The following LARP4 variants were observed in gnomAD, a reference collection of about 807,000 sequenced individuals.
LARP4 encodes la-related protein 4.
Under a neutral mutation model 92.9 loss-of-function variants are expected in LARP4, and 29 were observed. The observed-to-expected ratio is 0.31, with a 90% CI of 0.23 to 0.43. The LOEUF (loss-of-function observed/expected upper bound fraction) is 0.43. Among genes scored for constraint, LARP4 ranks in the 20% least tolerant of loss-of-function variants. The probability of loss-of-function intolerance (pLI) is 1.00; values close to 1 mark genes in which losing one functional copy is unlikely to be tolerated. For missense variants in LARP4, 732 were observed against 860.0 expected, an observed-to-expected ratio of 0.85 and a Z score of 1.86; for synonymous variants, 279 against 284.1, an observed-to-expected ratio of 0.98 and a Z score of 0.18.
chr12:50,412,781 A>G lies in LARP4; in HGVS notation c.18+11753A>G, dbSNP rs115174996. On this transcript the variant is annotated intron_variant, in intron 1 of 15. Coordinates refer to ENST00000398473, the MANE Select transcript of LARP4 (RefSeq NM_052879.5). Reference sequence around the variant, plus strand: ...TTGAGTATCTATGTGCTTGCATACTATGTATATGTTGGCAGATAGTTTAGC... The same window carrying G: ...TTGAGTATCTATGTGCTTGCATACTGTGTATATGTTGGCAGATAGTTTAGC... 9.8e-3 allele frequency among the ~76,000 whole-genome samples: 1,490 copies of G among 152,276 alleles called. 29 individuals are homozygous for G. Among genetic ancestry groups the G allele is most frequent in the African/African-American group, 0.034 (1,425 of 41,546 alleles).
At chr12:50,473,930 C>A (rs1324492736) in intron 14 of LARP4, 69 bp from the exon 15 acceptor site, 2 of 1,362,950 alleles carry the variant, frequency 1.5e-6, no homozygotes, top group African/African-American at 1.5e-5. Flanking sequence ...ATTACGTTTT[C>A]TTCTGATTAG....
chr12:50,455,988 G>A (rs1200552851), intron 10 of LARP4, among the ~76,000 whole-genome samples: 3 of 152,104 alleles, frequency 2.0e-5, no homozygotes, highest in Non-Finnish European at 4.4e-5. Flanking sequence ...AGAAGCACAG[G>A]TTGCAGTGAG....
rs1949035231 is a variant in LARP4 at position 50,427,906 on chromosome 12, G to A, written c.163G>A (p.Glu55Lys). 1 of 1,586,496 alleles carries A rather than the reference G, an allele frequency of 6.3e-7. No individual in the cohort carries two copies. Among genetic ancestry groups the A allele is most frequent in the Non-Finnish European group, 8.6e-7 (1 of 1,162,202 alleles). Residue 55 changes from glutamate (E) to lysine (K), a missense_variant, in exon 2 of 16, where the codon GAG becomes AAG. Transcript: ENST00000398473. ...AGCAGCTACATCAGGTGCTCATCCT[G>A]AGGGTAAGTCTTAAATATTTGGTCA... ...EIAATSGAHP[E>K]GNAELSEDIC...
rs1303422985 is a variant in LARP4, at chr12:50,477,205, A to G, written c.*1341A>G. Reference sequence around the variant, plus strand: ...AGATGGTTGAAGAAAATTAGTGCATAATTTCTCAGTGAATAAAGTTGTAGC... The same window carrying G: ...AGATGGTTGAAGAAAATTAGTGCATGATTTCTCAGTGAATAAAGTTGTAGC... On this transcript the variant is annotated 3_prime_UTR_variant, in exon 16 of 16. Coordinates refer to ENST00000398473, the MANE Select transcript of LARP4 (RefSeq NM_052879.5). The G allele has an allele frequency of 1.3e-5, 2 of 152,440 alleles. No individual in the cohort carries two copies. The highest frequency in any genetic ancestry group is 4.8e-5 in the African/African-American group (2 of 41,448). 9.4% of individuals were successfully genotyped at this position (152,440 alleles called of 1,614,324 possible).
At chr12:50,447,490 T>C (rs1952401886) in intron 8 of LARP4, among the ~76,000 whole-genome samples, 1 of 152,342 alleles carries the variant, frequency 6.6e-6, no homozygotes, top group East Asian at 1.9e-4. Flanking sequence ...AAAAGTAATA[T>C]AGGAATTTGA....
intron 2 of LARP4, among the ~76,000 whole-genome samples, chr12:50,428,567 AT>A (rs1565574309): frequency 6.6e-6 from 1 of 152,136 alleles, no homozygotes; most frequent in African/African-American, 2.4e-5. Context: ...TGACTCTGCT[AT>A]TTACTCACTG....
chr12:50,462,631 G>C lies in LARP4; in HGVS notation c.1383+1G>C. On this transcript the variant is annotated splice_donor_variant, in intron 12 of 15. Coordinates refer to ENST00000398473, the MANE Select transcript of LARP4 (RefSeq NM_052879.5). LOFTEE classifies it high-confidence loss of function. ...ACGACGAGAAGATGACAGGATCTCAGTAAGTTTTTTAAAACTTTTATTCAG... is the reference window on the plus strand; with the variant it reads ...ACGACGAGAAGATGACAGGATCTCACTAAGTTTTTTAAAACTTTTATTCAG... The C allele has an allele frequency of 7.1e-7, 1 of 1,402,112 alleles. No individual in the cohort carries two copies. Among genetic ancestry groups the C allele is most frequent in the Non-Finnish European group, 9.5e-7 (1 of 1,048,920 alleles). The allele number at this position is 1,402,112 out of a possible 1,614,324, so 86.9% of individuals were successfully genotyped here.
chr12:50,410,012 G>A (rs938866408), intron 1 of LARP4, among the ~76,000 whole-genome samples: 12 of 150,548 alleles, frequency 8.0e-5, no homozygotes, highest in African/African-American at 2.9e-4. Flanking sequence ...GGCTGGTCTC[G>A]AACTCCTGCT....
At chr12:50,416,010 A>G (rs1378029963) in intron 1 of LARP4, among the ~76,000 whole-genome samples, 4 of 151,730 alleles carry the variant, frequency 2.6e-5, no homozygotes, top group South Asian at 4.2e-4. Flanking sequence ...CCCACCCTCC[A>G]TGTTTTCTTG....
Position 50,476,965 on chromosome 12 carries a change from T to C in LARP4, c.*1101T>C, listed in dbSNP as rs1957578730. 1 of 152,312 alleles carries C rather than the reference T, an allele frequency of 6.6e-6. No individual in the cohort carries two copies. The highest frequency in any genetic ancestry group is 2.4e-5 in the African/African-American group (1 of 41,460). The allele number at this position is 152,312 out of a possible 1,614,324, so 9.4% of individuals were successfully genotyped here. On this transcript the variant is annotated 3_prime_UTR_variant, in exon 16 of 16. Transcript: ENST00000398473. ...ACAGTAATTTATTTGTCGTTAGTGT[T>C]AAAGATTAAGCATAGTAACTGACTC...
chr12:50,417,546 C>G (rs891454015), intron 1 of LARP4, among the ~76,000 whole-genome samples: 4 of 152,072 alleles, frequency 2.6e-5, no homozygotes, highest in Non-Finnish European at 2.9e-5. Flanking sequence ...TATAGTTATT[C>G]ATGGTGCTAC....
chr12:50,444,110 T>G (rs566200971), intron 8 of LARP4, among the ~76,000 whole-genome samples: 69 of 152,308 alleles, frequency 4.5e-4, no homozygotes, highest in African/African-American at 1.6e-3. Flanking sequence ...TTCTGTTCAA[T>G]TTATTGGTTA....
chr12:50,441,562 G>A, intron 7 of LARP4, 28 bp from the exon 8 acceptor site: 1 of 1,525,272 alleles, frequency 6.6e-7, no homozygotes, highest in Non-Finnish European at 8.9e-7. Flanking sequence ...GAATGCTAAT[G>A]AAAGTTTTTT....
At chr12:50,452,289 C>T (rs539997885) in intron 8 of LARP4, among the ~76,000 whole-genome samples, 2 of 152,122 alleles carry the variant, frequency 1.3e-5, no homozygotes, top group Non-Finnish European at 2.9e-5. Flanking sequence ...TTTCAGCTCA[C>T]TGCAATCTCA....
intron 11 of LARP4, among the ~76,000 whole-genome samples, chr12:50,462,307 C>T (rs1955511364): frequency 6.6e-6 from 1 of 152,050 alleles, no homozygotes; most frequent in Non-Finnish European, 1.5e-5. Flanking sequence ...TGGTGAAACC[C>T]TGTCTGTACT....
intron 15 of LARP4, among the ~76,000 whole-genome samples, chr12:50,475,098 C>T (rs1486881886): frequency 1.3e-5 from 2 of 152,170 alleles, no homozygotes; most frequent in Non-Finnish European, 2.9e-5. Context: ...CCACCTTTTT[C>T]AGTTGAGGTA....
chr12:50,433,239 C>T (rs965828031), intron 4 of LARP4, among the ~76,000 whole-genome samples: 1 of 150,010 alleles, frequency 6.7e-6, no homozygotes, highest in Non-Finnish European at 1.5e-5. Flanking sequence ...CTTGAAGCTT[C>T]CACAGCTTTC....
At chr12:50,449,130 C>G (rs1952694679) in intron 8 of LARP4, among the ~76,000 whole-genome samples, 1 of 152,066 alleles carries the variant, frequency 6.6e-6, no homozygotes, top group African/African-American at 2.4e-5. Flanking sequence ...GTAGTCCCAG[C>G]TACTCGGGAG....
chr12:50,443,971 C>T (rs1323088498), intron 8 of LARP4, among the ~76,000 whole-genome samples: 2 of 152,130 alleles, frequency 1.3e-5, no homozygotes, highest in Non-Finnish European at 2.9e-5. Flanking sequence ...TCTGCTAGTT[C>T]TTTGTCCTTG....
Sources: allele counts gnomAD v4.1 joint callset (sites outside exome capture counted in the v4.1 genomes callset), GRCh38; gene constraint gnomAD v4.1.1; transcripts MANE v1.5; gene names NCBI Gene and HGNC (gene_info 2026-07-23, HGNC 2026-07-21).